Variants in NAALAD2 observed in about 807,000 individuals in gnomAD.
NAALAD2 encodes N-acetylated alpha-linked acidic dipeptidase 2.
Under a neutral mutation model 95.6 loss-of-function variants are expected in NAALAD2, and 89 were observed. The ratio of observed to expected loss-of-function variants is 0.93; its 90% confidence interval spans 0.78 to 1.11. The LOEUF is 1.11. NAALAD2 is among the 50% of genes least tolerant of loss of function. The pLI is 0.00. For missense variants in NAALAD2, 894 were observed against 872.4 expected, an observed-to-expected ratio of 1.02 and a Z score of -0.31; for synonymous variants, 264 against 294.4, an observed-to-expected ratio of 0.90 and a Z score of 1.06.
chr11:90,181,974 C>T (rs1461108808), intron 17 of NAALAD2, among the ~76,000 whole-genome samples: 4 of 151,524 alleles, frequency 2.6e-5, no homozygotes, highest in East Asian at 1.9e-4. Flanking sequence ...TTGGGGAGCA[C>T]TGCTCTGAAT....
At chr11:90,189,204 G>C (rs1857250657) in intron 18 of NAALAD2, among the ~76,000 whole-genome samples, 1 of 152,124 alleles carries the variant, frequency 6.6e-6, no homozygotes, top group South Asian at 2.1e-4. Flanking sequence ...GAAAAGCAAG[G>C]AAAAGGATTC....
intron 16 of NAALAD2, among the ~76,000 whole-genome samples, chr11:90,179,297 C>G (rs770966735): frequency 3.9e-4 from 59 of 151,890 alleles, no homozygotes; most frequent in Non-Finnish European, 7.4e-4. Flanking sequence ...TATGTTATTA[C>G]CTGGGAGATA....
chr11:90,157,824 G>A (rs902362851), intron 6 of NAALAD2, among the ~76,000 whole-genome samples: 8 of 151,776 alleles, frequency 5.3e-5, no homozygotes, highest in African/African-American at 1.5e-4. Context: ...GGGTTCAAGC[G>A]ATTCTCCCAC....
At position 90,175,896 on chromosome 11, in the gene NAALAD2, C is replaced by T. The variant is rs1032230856; in HGVS notation, c.1503-76C>T. 1.2e-5 allele frequency: 10 copies of T among 817,518 alleles called. No individual in the cohort carries two copies. The African/African-American group carries it at 1.4e-4, about 11-fold the overall frequency. The allele number at this position is 817,518 out of a possible 1,614,324, so 50.6% of individuals were successfully genotyped here. ...ATTCTTGGGGCAGGATTCCTTGTCC[C>T]ATCTATTTAACTTTGTATCATTTAC... On this transcript the variant is annotated intron_variant, in intron 14 of 18. Transcript: ENST00000534061.
chr11:90,170,157 T>G (rs1168783194), intron 13 of NAALAD2, 21 bp downstream of exon 13: 1 of 1,394,960 alleles, frequency 7.2e-7, no homozygotes, highest in Non-Finnish European at 1.0e-6. Context: ...AAATGTGTCT[T>G]CATATGTTCT....
chr11:90,145,834 A>G (rs1951738946), intron 2 of NAALAD2, among the ~76,000 whole-genome samples: 1 of 152,182 alleles, frequency 6.6e-6, no homozygotes, highest in African/African-American at 2.4e-5. Flanking sequence ...AAGTATACTC[A>G]GTGACAGAGA....
In NAALAD2 at chr11:90,134,809, G is replaced by T; in HGVS notation, c.51G>T (p.Ala17=). 4 of 1,614,148 alleles carry T rather than the reference G, an allele frequency of 2.5e-6. No individual in the cohort carries two copies. Among genetic ancestry groups the T allele is most frequent in the Non-Finnish European group, 3.4e-6 (4 of 1,180,016 alleles). Residue 17 remains alanine (A), a synonymous_variant, in exon 1 of 19, where the codon GCG becomes GCT. Coordinates refer to ENST00000534061, the MANE Select transcript of NAALAD2 (RefSeq NM_005467.4). ...RLYLWMCLAA[A]LASFLMGFMV... ...ACCTTTGGATGTGCTTGGCTGCTGC[G>T]CTGGCATCTTTCCTGATGGGATTTA...
At chr11:90,186,001 A>T (rs764729719) in intron 18 of NAALAD2, among the ~76,000 whole-genome samples, 1 of 151,794 alleles carries the variant, frequency 6.6e-6, no homozygotes, top group Non-Finnish European at 1.5e-5. Context: ...TTTTGCTTAC[A>T]CTGAAGAACT....
In NAALAD2 at chr11:90,140,791, T is replaced by C. The variant is rs149038725; in HGVS notation, c.194+5121T>C. Among the ~76,000 whole-genome samples, 262 of 152,266 alleles carry C rather than the reference T, an allele frequency of 1.7e-3. 3 individuals carry two copies. The highest frequency in any genetic ancestry group is 6.0e-3 in the African/African-American group (250 of 41,566). On this transcript the variant is annotated intron_variant, in intron 2 of 18. Transcript: ENST00000534061. Reference sequence around the variant, plus strand: ...GTTCATATCTAAGAACTCTTTGATCTGGACTTTGACCAATTTTGTCTTCTT... The same window carrying C: ...GTTCATATCTAAGAACTCTTTGATCCGGACTTTGACCAATTTTGTCTTCTT...
At chr11:90,150,281 A>G (rs1485530809) in intron 4 of NAALAD2, among the ~76,000 whole-genome samples, 3 of 152,054 alleles carry the variant, frequency 2.0e-5, no homozygotes, top group Non-Finnish European at 4.4e-5. Context: ...AATAACTCTT[A>G]TACATTGTCG....
chr11:90,149,740 C>A (rs1007294413), intron 4 of NAALAD2, among the ~76,000 whole-genome samples: 1 of 152,012 alleles, frequency 6.6e-6, no homozygotes, highest in African/African-American at 2.4e-5. Flanking sequence ...TTCCGCCCAG[C>A]AGTAGGTGTT....
intron 13 of NAALAD2, among the ~76,000 whole-genome samples, chr11:90,171,532 G>C (rs982335739): frequency 6.6e-6 from 1 of 152,154 alleles, no homozygotes; most frequent in South Asian, 2.1e-4. Context: ...CTAGAGAGAT[G>C]ATCCCTGGCC....
chr11:90,166,761 G>A (rs1345332867), intron 11 of NAALAD2, among the ~76,000 whole-genome samples: 3 of 151,940 alleles, frequency 2.0e-5, no homozygotes, highest in Middle Eastern at 3.4e-3. Flanking sequence ...CGTGAACCCG[G>A]GAGGTGGAGC....
At chr11:90,162,888 TA>T in intron 8 of NAALAD2, 60 bp from the exon 9 acceptor site, 1 of 960,086 alleles carries the variant, frequency 1.0e-6, no homozygotes, top group Non-Finnish European at 1.6e-6. Flanking sequence ...TTTTTTATAA[TA>T]AAACACTGTA....
intron 18 of NAALAD2, among the ~76,000 whole-genome samples, chr11:90,186,915 G>A (rs11018901): frequency 0.38 from 47,695 of 124,570 alleles, 9,355 homozygotes; most frequent in Non-Finnish European, 0.47. Context: ...GAAAATTTTC[G>A]CAACCTACTC....
rs1952970016 is a variant in NAALAD2 at position 90,181,607 on chromosome 11, A to C, written c.1859-13A>C. 6.4e-7 allele frequency: 1 copy of C among 1,563,330 alleles called. No individual in the cohort carries two copies. The highest frequency in any genetic ancestry group is 2.2e-5 in the East Asian group (1 of 44,540). ...GAGCTAATTTCTCTTCTTCTTTTCT[A>C]TTTTTAAAAAAGACTCCTTATTTTC... On this transcript the variant is annotated splice_polypyrimidine_tract_variant and intron_variant, in intron 16 of 18. Coordinates refer to ENST00000534061, the MANE Select transcript of NAALAD2 (RefSeq NM_005467.4).
At position 90,152,528 on chromosome 11, in the gene NAALAD2, C is replaced by A. The variant is rs375511564; in HGVS notation, c.796+44C>A. 4 of 1,471,304 alleles carry A rather than the reference C, an allele frequency of 2.7e-6. No homozygotes were observed. The East Asian group carries it at 9.3e-5, about 34-fold the overall frequency. The allele number at this position is 1,471,304 out of a possible 1,614,324, so 91.1% of individuals were successfully genotyped here. A position where few individuals can be genotyped will look rare whatever the true frequency, so the allele number is the denominator to read the frequency against. Reference sequence around the variant, plus strand: ...AGTCCACCAATTTTGCAAAAATACTCCTTGCCCTTTTAGAAGGAATACAAG... The same window carrying A: ...AGTCCACCAATTTTGCAAAAATACTACTTGCCCTTTTAGAAGGAATACAAG... On this transcript the variant is annotated intron_variant, in intron 6 of 18. Transcript: ENST00000534061.
chr11:90,183,857 G>C lies in NAALAD2; in HGVS notation c.2033+849G>C, dbSNP rs117030358. 3.2e-3 allele frequency among the ~76,000 whole-genome samples: 491 copies of C among 152,226 alleles called. 2 individuals are homozygous for C. The highest frequency in any genetic ancestry group is 5.5e-3 in the Non-Finnish European group (374 of 67,972). On this transcript the variant is annotated intron_variant, in intron 18 of 18. Coordinates refer to ENST00000534061, the MANE Select transcript of NAALAD2 (RefSeq NM_005467.4). ...GCATTTTTGACTTGTGATATTTTCAGTTTATGATGGTTTTATCAGAAAACA... is the reference window on the plus strand; with the variant it reads ...GCATTTTTGACTTGTGATATTTTCACTTTATGATGGTTTTATCAGAAAACA...
intron 12 of NAALAD2, 123 bp downstream of exon 12, chr11:90,169,115 A>G: frequency 3.4e-6 from 2 of 590,802 alleles, no homozygotes; most frequent in East Asian, 6.4e-5. Context: ...AGCACCTCAG[A>G]TATCCCCTTC....
Sources: gnomAD v4.1 joint callset for allele counts (sites outside exome capture counted in the v4.1 genomes callset) on GRCh38, gnomAD v4.1.1 for gene constraint, MANE v1.5 for transcripts, NCBI Gene and HGNC (gene_info 2026-07-23, HGNC 2026-07-21) for gene names.